BTBD16: variants seen among roughly 807,000 people sequenced by gnomAD.
BTBD16 encodes the protein BTB domain containing 16, also known as BTB/POZ domain-containing protein 16.
Under a neutral mutation model 67.4 loss-of-function variants are expected in BTBD16, and 66 were observed. The ratio of observed to expected loss-of-function variants is 0.98; its 90% CI spans 0.80 to 1.20. The LOEUF (loss-of-function observed/expected upper bound fraction) is 1.20, where lower values mean the gene tolerates loss of function less well. Among genes scored for constraint, BTBD16 ranks in the 50% most tolerant of loss-of-function variants. The probability of loss-of-function intolerance (pLI) is 0.00; values close to 1 mark genes in which losing one functional copy is unlikely to be tolerated. For synonymous variants in BTBD16, 242 were observed against 236.4 expected (o/e 1.02, Z -0.22); for missense variants, 634 against 616.0 (o/e 1.03, Z -0.31).
At chr10:122,321,045 A>G (rs1038620358) in intron 10 of BTBD16, among the ~76,000 whole-genome samples, 2 of 151,910 alleles carry the variant, frequency 1.3e-5, no homozygotes, top group African/African-American at 4.8e-5. Context: ...TATTATTCCC[A>G]TCTTTATGTT....
chr10:122,287,486 C>T (rs1041876949), intron 5 of BTBD16: 2 of 985,368 alleles, frequency 2.0e-6, no homozygotes, highest in African/African-American at 1.7e-5. Context: ...GGCTGAGAGA[C>T]AAGAGGGAAG....
At chr10:122,311,297 C>G (rs183361172) in intron 10 of BTBD16, among the ~76,000 whole-genome samples, 6 of 152,152 alleles carry the variant, frequency 3.9e-5, no homozygotes, top group Non-Finnish European at 5.9e-5. Flanking sequence ...CAAACACGCA[C>G]GGTCGTGTGT....
intron 7 of BTBD16, 85 bp from the exon 8 acceptor site, chr10:122,297,683 G>C (rs2096385794): frequency 1.0e-5 from 15 of 1,450,068 alleles, no homozygotes; most frequent in South Asian, 2.4e-5. Context: ...CTGCTGTCCT[G>C]GAGTTGAATG....
At chr10:122,327,211 A>G (rs1398008684) in intron 10 of BTBD16, among the ~76,000 whole-genome samples, 2 of 152,174 alleles carry the variant, frequency 1.3e-5, no homozygotes, top group African/African-American at 4.8e-5. Flanking sequence ...GATTTCAGGA[A>G]ATCAGAAGCT....
chr10:122,307,068 C>A, intron 9 of BTBD16, 121 bp from the exon 10 acceptor site: 2 of 1,124,330 alleles, frequency 1.8e-6, no homozygotes, highest in Non-Finnish European at 2.5e-6. Context: ...ATGTCTGAGG[C>A]TACCTTCAGA....
At chr10:122,285,618 A>G (rs1258704311) in intron 4 of BTBD16, among the ~76,000 whole-genome samples, 2 of 152,040 alleles carry the variant, frequency 1.3e-5, no homozygotes, top group African/African-American at 4.8e-5. Context: ...ACTGGCATGT[A>G]GTAGGTAGAT....
At chr10:122,312,233 T>G (rs1237283430) in intron 10 of BTBD16, among the ~76,000 whole-genome samples, 3 of 152,096 alleles carry the variant, frequency 2.0e-5, no homozygotes, top group Non-Finnish European at 4.4e-5. Context: ...TAACCAGCAG[T>G]GCATGAGAAT....
intron 10 of BTBD16, among the ~76,000 whole-genome samples, chr10:122,328,404 T>G (rs2096449082): frequency 6.6e-6 from 1 of 152,232 alleles, no homozygotes; most frequent in Non-Finnish European, 1.5e-5. Flanking sequence ...AGAACTCACT[T>G]GTCTTTGTGC....
In BTBD16 at chr10:122,289,979, C is replaced by T. The variant is rs2142064859; in HGVS notation, c.456C>T (p.Asp152=). Reference sequence around the variant, plus strand: ...TCATCATTTCCTTGAAGATCAATGACCCACTGGTCACTAAAGTCGGTATGT... The same window carrying T: ...TCATCATTTCCTTGAAGATCAATGATCCACTGGTCACTAAAGTCGGTATGT... ...KRIIISLKIN[D]PLVTKVAFAT... is the part of the protein sequence containing the mutation. Residue 152 remains aspartate (D), a synonymous_variant, in exon 6 of 16, where the codon GAC becomes GAT. Coordinates refer to ENST00000260723, the MANE Select transcript of BTBD16 (RefSeq NM_144587.5). The T allele has an allele frequency of 1.9e-6, 3 of 1,612,668 alleles. No individual in the cohort carries two copies. The highest frequency in any genetic ancestry group is 2.2e-5 in the South Asian group (2 of 90,996).
At chr10:122,318,270 A>G (rs1010636152) in intron 10 of BTBD16, among the ~76,000 whole-genome samples, 16 of 152,288 alleles carry the variant, frequency 1.1e-4, no homozygotes, top group African/African-American at 3.1e-4. Context: ...GGATTCTTTC[A>G]TGCATCATAA....
At chr10:122,288,389 C>T (rs1038487524) in intron 5 of BTBD16, among the ~76,000 whole-genome samples, 22 of 152,280 alleles carry the variant, frequency 1.4e-4, no homozygotes, top group East Asian at 1.4e-3. Context: ...AGCCAGGTGA[C>T]GGATGACAGC....
At chr10:122,331,322 T>C in intron 12 of BTBD16, 64 bp downstream of exon 12, 1 of 1,594,740 alleles carries the variant, frequency 6.3e-7, no homozygotes. Flanking sequence ...CTTTGTTTTT[T>C]CTGGAGATGT....
At chr10:122,290,994 C>A in intron 6 of BTBD16, 86 bp from the exon 7 acceptor site, 2 of 1,411,148 alleles carry the variant, frequency 1.4e-6, no homozygotes, top group Non-Finnish European at 1.9e-6. Flanking sequence ...CTCTGCCTGC[C>A]CAGCTGCAGG....
chr10:122,317,777 C>A (rs542711001), intron 10 of BTBD16, among the ~76,000 whole-genome samples: 3 of 152,206 alleles, frequency 2.0e-5, no homozygotes, highest in African/African-American at 7.2e-5. Flanking sequence ...ACATCTTGTC[C>A]CACTGGAAGG....
chr10:122,325,037 A>G lies in BTBD16; in HGVS notation c.912-4443A>G, dbSNP rs1266936048. Among the ~76,000 whole-genome samples, 3 of 152,212 alleles carry G rather than the reference A, an allele frequency of 2.0e-5. No individual in the cohort carries two copies. In the South Asian group the frequency reaches 6.2e-4, roughly 32 times the overall value. ...TGAACTTGGTCTCAGTGAAAAGCTG[A>G]TAGGTCATGGTGACAGCAGACAGGA... On this transcript the variant is annotated intron_variant, in intron 10 of 15. Transcript: ENST00000260723.
Position 122,334,976 on chromosome 10 carries a change from G to A in BTBD16, c.1260G>A (p.Met420Ile). 6.8e-7 allele frequency: 1 copy of A among 1,464,750 alleles called. No homozygotes were observed. The highest frequency in any genetic ancestry group is 9.5e-7 in the Non-Finnish European group (1 of 1,050,344). 90.7% of individuals were successfully genotyped at this position (1,464,750 alleles called of 1,614,324 possible). The change falls in exon 14 of 16, where the codon ATG (methionine) becomes ATA (isoleucine). Residue 420 changes from methionine (M) to isoleucine (I), a missense_variant. Met to Ile is a conservative substitution (Grantham distance 10, BLOSUM62 1). Coordinates refer to ENST00000260723, the MANE Select transcript of BTBD16 (RefSeq NM_144587.5). The part of the protein sequence containing the change: ...KHDTTSYSFY[M>I]QRIKHTDLES... ...ATACTACCTCTTATAGTTTTTACATGCAGGTAAGGATAGAGTGCATGAAAG... is the reference window on the plus strand; with the variant it reads ...ATACTACCTCTTATAGTTTTTACATACAGGTAAGGATAGAGTGCATGAAAG...
At position 122,276,917 on chromosome 10, in the gene BTBD16, G is replaced by A. The variant is rs2096341857; in HGVS notation, c.145G>A (p.Glu49Lys). The A allele has an allele frequency of 1.2e-6, 2 of 1,614,024 alleles. No individual in the cohort carries two copies. The highest frequency in any genetic ancestry group is 2.2e-5 in the East Asian group (1 of 44,888). ...MCKALSIDFE[E>K]ALRNPDRLCI... Reference sequence around the variant, plus strand: ...CAAGGCTCTGAGCATAGACTTTGAGGAAGCTTTGAGGAACCCAGACAGGTA... The same window carrying A: ...CAAGGCTCTGAGCATAGACTTTGAGAAAGCTTTGAGGAACCCAGACAGGTA... The change falls in exon 3 of 16, where the codon GAA (glutamate) becomes AAA (lysine). Residue 49 changes from glutamate to lysine, a missense_variant. Transcript: ENST00000260723.
intron 9 of BTBD16, among the ~76,000 whole-genome samples, chr10:122,300,805 G>A (rs1348354969): frequency 6.6e-6 from 1 of 152,152 alleles, no homozygotes; most frequent in African/African-American, 2.4e-5. Context: ...TTTCAAAAGT[G>A]AAAACTAAAT....
rs373964027 is a variant in BTBD16 at position 122,286,236 on chromosome 10, G to A, written c.373G>A (p.Glu125Lys). 9 of 1,607,846 alleles carry A rather than the reference G, an allele frequency of 5.6e-6. No individual in the cohort carries two copies. The African/African-American group carries it at 1.2e-4, about 22-fold the overall frequency. The stretch of plus-strand genomic sequence containing the variant: ...CACACACCCCCTGAGGGAGCTGGAG[G>A]AGCTTCTGCGAGGTACTTCCTCCCT... ...GTTHPLRELE[E>K]LLRAQSPKKT... The change falls in exon 5 of 16, where the codon GAG (glutamate) becomes AAG (lysine). Residue 125 changes from glutamate (E) to lysine (K), a missense_variant. Physicochemically the swap from Glu to Lys is moderately conservative, Grantham distance 56 (BLOSUM62 1). Transcript: ENST00000260723.
Sources: allele counts gnomAD v4.1 joint callset (sites outside exome capture counted in the v4.1 genomes callset), GRCh38; gene constraint gnomAD v4.1.1; transcripts MANE v1.5; gene names NCBI Gene and HGNC (gene_info 2026-07-23, HGNC 2026-07-21).